NSF: variants seen among roughly 807,000 people sequenced by gnomAD.
NSF encodes N-ethylmaleimide sensitive factor, vesicle fusing ATPase.
Under a neutral mutation model 50.3 loss-of-function variants are expected in NSF, and 14 were observed. That is an observed-to-expected ratio of 0.28 (90% CI 0.18 to 0.44). NSF has a LOEUF of 0.44. NSF is among the 20% of genes least tolerant of loss of function. NSF has a pLI of 1.00. For synonymous variants in NSF, 109 were observed against 175.7 expected, an observed-to-expected ratio of 0.62 and a Z score of 3.00; for missense variants, 218 against 504.3, an observed-to-expected ratio of 0.43 and a Z score of 5.44.
intron 19 of NSF, among the ~76,000 whole-genome samples, chr17:46,753,263 G>A (rs1200540111): frequency 6.6e-6 from 1 of 152,238 alleles, no homozygotes; most frequent in African/African-American, 2.4e-5. Flanking sequence ...GTGAGCGGCA[G>A]AGGTGAAGTT....
chr17:46,696,367 C>T (rs1308094248), intron 12 of NSF, among the ~76,000 whole-genome samples: 1 of 140,962 alleles, frequency 7.1e-6, no homozygotes, highest in Non-Finnish European at 1.5e-5. Context: ...CTCAGTCTAA[C>T]CCTCCACGTG....
intron 8 of NSF, among the ~76,000 whole-genome samples, chr17:46,673,910 GGT>G (rs61565754): frequency 0.18 from 1,226 of 6,990 alleles, 519 homozygotes; most frequent in African/African-American, 0.28. Flanking sequence ...ATTCCATGGG[GGT>G]GTGTGTGTGT....
intron 17 of NSF, among the ~76,000 whole-genome samples, chr17:46,746,180 G>A (rs1041966810): frequency 1.3e-5 from 2 of 152,186 alleles, no homozygotes; most frequent in Non-Finnish European, 2.9e-5. Flanking sequence ...CTGATGATAA[G>A]CATTTGATTT....
At chr17:46,709,214 G>A (rs2058693082) in intron 13 of NSF, among the ~76,000 whole-genome samples, 1 of 151,904 alleles carries the variant, frequency 6.6e-6, no homozygotes, top group Admixed American at 6.6e-5. Flanking sequence ...TATTACTATT[G>A]TGACTTTTAA....
intron 16 of NSF, 80 bp downstream of exon 16, chr17:46,726,695 A>G (rs1359757910): frequency 8.1e-7 from 1 of 1,230,104 alleles, no homozygotes; most frequent in Non-Finnish European, 1.2e-6. Context: ...AAAATTAACA[A>G]GTATTTATAA....
At chr17:46,741,066 A>G (rs2059066058) in intron 17 of NSF, among the ~76,000 whole-genome samples, 1 of 152,188 alleles carries the variant, frequency 6.6e-6, no homozygotes, top group Non-Finnish European at 1.5e-5. Flanking sequence ...AATCTAGTTT[A>G]AAATTACACA....
At chr17:46,716,000 A>G (rs1379530688) in intron 15 of NSF, among the ~76,000 whole-genome samples, 1 of 152,146 alleles carries the variant, frequency 6.6e-6, no homozygotes, top group Non-Finnish European at 1.5e-5. Context: ...TCCTTGGGGG[A>G]AAAATATTAT....
chr17:46,622,600 T>A (rs1312988738), intron 1 of NSF, among the ~76,000 whole-genome samples: 1 of 145,820 alleles, frequency 6.9e-6, no homozygotes, highest in African/African-American at 2.6e-5. Flanking sequence ...CTGGGCAACG[T>A]GATGAAACCC....
intron 15 of NSF, 97 bp from the exon 16 acceptor site, chr17:46,726,452 G>A (rs1055737228): frequency 1.9e-6 from 2 of 1,067,820 alleles, no homozygotes; most frequent in East Asian, 2.4e-5. Flanking sequence ...GTTTTCCTGT[G>A]CTTTGTTTAG....
chr17:46,750,378 G>A (rs922517815), intron 18 of NSF, among the ~76,000 whole-genome samples: 6 of 152,106 alleles, frequency 3.9e-5, no homozygotes, highest in African/African-American at 1.4e-4. Context: ...AGGACCAGAA[G>A]TGTTTCAGAT....
chr17:46,720,115 A>G (rs878921470), intron 15 of NSF, among the ~76,000 whole-genome samples: 7 of 152,186 alleles, frequency 4.6e-5, no homozygotes, highest in Admixed American at 3.3e-4. Flanking sequence ...TGGAAATTGG[A>G]TCTTTTGACA....
intron 9 of NSF, among the ~76,000 whole-genome samples, chr17:46,691,726 T>G (rs1057322697): frequency 2.6e-5 from 4 of 151,710 alleles, no homozygotes; most frequent in Admixed American, 1.3e-4. Flanking sequence ...TTAGGTTATG[T>G]TCATTTTTTA....
chr17:46,625,936 T>A (rs1208036366), intron 2 of NSF, among the ~76,000 whole-genome samples: 158 of 143,110 alleles, frequency 1.1e-3, no homozygotes, highest in Non-Finnish European at 1.2e-3. Flanking sequence ...GATTTGAAGC[T>A]TCTATCTTAC....
Position 46,756,010 on chromosome 17 carries a change from T to C in NSF, c.*187T>C. The C allele has an allele frequency of 1.7e-6, 1 of 581,064 alleles. No homozygotes were observed. Among genetic ancestry groups the C allele is most frequent in the Non-Finnish European group, 3.0e-6 (1 of 335,016 alleles). The allele number at this position is 581,064 out of a possible 1,614,324, so 36.0% of individuals were successfully genotyped here. On this transcript the variant is annotated 3_prime_UTR_variant, in exon 21 of 21. Coordinates refer to ENST00000398238, the MANE Select transcript of NSF (RefSeq NM_006178.4). Reference sequence around the variant, plus strand: ...ATGCATACTGAGATAGCTTAGTGTCTCGTGGAAGGTGTCAATTTGGTTTAG... The same window carrying C: ...ATGCATACTGAGATAGCTTAGTGTCCCGTGGAAGGTGTCAATTTGGTTTAG...
chr17:46,712,185 A>G (rs1003807209), intron 14 of NSF, among the ~76,000 whole-genome samples: 2 of 146,548 alleles, frequency 1.4e-5, no homozygotes, highest in African/African-American at 5.1e-5. Context: ...GTAGATGGAG[A>G]TAAGTAGACT....
chr17:46,706,781 CCCAATACTGTGAAACATAT>C (rs1248477911), intron 13 of NSF, among the ~76,000 whole-genome samples: 1 of 129,182 alleles, frequency 7.7e-6, no homozygotes, highest in African/African-American at 3.0e-5. Flanking sequence ...CAACACTGCC[CCCAATACTGTGAAACATAT>C]CCTCTTGTTC....
chr17:46,756,156 C>A lies in NSF; in HGVS notation c.*333C>A, dbSNP rs1056385631. The A allele has an allele frequency of 9.0e-6, 2 of 221,932 alleles. No individual in the cohort carries two copies. Among genetic ancestry groups the A allele is most frequent in the African/African-American group, 2.3e-5 (1 of 44,042 alleles). The allele number at this position is 221,932 out of a possible 1,614,324, so 13.7% of individuals were successfully genotyped here. ...TTCAACCTCTCTACTAGCACCATCA[C>A]CCTTGAAAACTCTCAGTCAGTGTCA... On this transcript the variant is annotated 3_prime_UTR_variant, in exon 21 of 21. Transcript: ENST00000398238.
intron 14 of NSF, among the ~76,000 whole-genome samples, chr17:46,711,359 G>A (rs1319780291): frequency 1.3e-5 from 2 of 152,184 alleles, no homozygotes; most frequent in Non-Finnish European, 2.9e-5. Flanking sequence ...CTGTATTTCT[G>A]TGGCACTTAA....
At chr17:46,735,804 A>G (rs1276817282) in intron 17 of NSF, among the ~76,000 whole-genome samples, 1 of 152,052 alleles carries the variant, frequency 6.6e-6, no homozygotes, top group Non-Finnish European at 1.5e-5. Context: ...AATTAGCTCG[A>G]CGTGGTGGTG....
Sources: gnomAD v4.1 joint callset for allele counts (sites outside exome capture counted in the v4.1 genomes callset) on GRCh38, gnomAD v4.1.1 for gene constraint, MANE v1.5 for transcripts, NCBI Gene and HGNC (gene_info 2026-07-23, HGNC 2026-07-21) for gene names.